BTAF1: variants seen among roughly 807,000 people sequenced by gnomAD.
The protein encoded by BTAF1 is B-TFIID TATA-box binding protein associated factor 1.
A neutral mutation model predicts 227.1 loss-of-function variants in BTAF1; 38 were observed. That is an observed-to-expected ratio of 0.17 (90% CI 0.13 to 0.22). BTAF1 has a LOEUF of 0.22. Ranked by LOEUF, BTAF1 falls within the 10% of genes least tolerant of loss-of-function variation. The pLI, the probability that BTAF1 is intolerant of heterozygous loss-of-function variation, is 1.00. For missense variants in BTAF1, 1,598 were observed against 2,204.0 expected (o/e 0.73, Z 5.51); for synonymous variants, 742 against 751.9 (o/e 0.99, Z 0.21).
At chr10:92,025,033 ATGAAATATTTTCAT>A in intron 35 of BTAF1, 66 bp downstream of exon 35, 2 of 1,423,250 alleles carry the variant, frequency 1.4e-6, no homozygotes, top group Non-Finnish European at 1.9e-6. Context: ...AGTTTGCCCC[ATGAAATATTTTCAT>A]TGGCTAAATA....
chr10:91,972,582 C>G (rs1404799788), intron 14 of BTAF1, among the ~76,000 whole-genome samples: 1 of 152,196 alleles, frequency 6.6e-6, no homozygotes, highest in African/African-American at 2.4e-5. Context: ...CCATTATTTG[C>G]TTTCTGAAAA....
At chr10:92,000,508 C>T (rs1055304518) in intron 25 of BTAF1, among the ~76,000 whole-genome samples, 23 of 152,118 alleles carry the variant, frequency 1.5e-4, no homozygotes, top group Non-Finnish European at 3.2e-4. Flanking sequence ...GATAAAGGGT[C>T]TAAACTCTAA....
chr10:91,953,355 T>A (rs1845890890), intron 5 of BTAF1, among the ~76,000 whole-genome samples: 1 of 152,326 alleles, frequency 6.6e-6, no homozygotes, highest in Non-Finnish European at 1.5e-5. Context: ...TTATTTATTT[T>A]TTTCAGCAGA....
chr10:91,950,128 G>T (rs1845647332), intron 4 of BTAF1, among the ~76,000 whole-genome samples: 1 of 120,082 alleles, frequency 8.3e-6, no homozygotes. Context: ...GGGTATCAGA[G>T]TGAGAGACCT....
intron 9 of BTAF1, 79 bp from the exon 10 acceptor site, chr10:91,959,706 T>G (rs142063545): frequency 1.6e-6 from 1 of 638,908 alleles, no homozygotes; most frequent in African/African-American, 1.9e-5. Flanking sequence ...TTAAAAAAAT[T>G]ATGTTAAAAA....
rs1848250199 is a variant in BTAF1 at position 91,984,232 on chromosome 10, C to T, written c.2255C>T (p.Pro752Leu). ...AAAGCTGTTACCTTAGCTGTGCAGC[C>T]GCGTTTACTTGATATCCTTTCAGAA... Reference protein sequence around the residue: ...ECKAVTLAVQPRLLDILSEHL... With the variant: ...ECKAVTLAVQLRLLDILSEHL... The change falls in exon 19 of 38, where the codon CCG becomes CTG. Residue 752 changes from proline to leucine, a missense_variant. Transcript: ENST00000265990. 6 of 1,613,670 alleles carry T rather than the reference C, an allele frequency of 3.7e-6. No homozygotes were observed. Among genetic ancestry groups the T allele is most frequent in the Non-Finnish European group, 4.2e-6 (5 of 1,179,880 alleles).
At chr10:91,939,882 T>C in intron 2 of BTAF1, 70 bp from the exon 3 acceptor site, 1 of 960,992 alleles carries the variant, frequency 1.0e-6, no homozygotes, top group South Asian at 1.7e-5. Flanking sequence ...TAAATTTGTA[T>C]TTCTCTGTTC....
At chr10:91,948,044 A>G (rs1845500577) in intron 4 of BTAF1, among the ~76,000 whole-genome samples, 1 of 152,048 alleles carries the variant, frequency 6.6e-6, no homozygotes, top group African/African-American at 2.4e-5. Context: ...GTTCTAGGGT[A>G]CATGTGCACA....
intron 16 of BTAF1, 27 bp from the exon 17 acceptor site, chr10:91,982,056 T>C (rs763712417): frequency 1.9e-6 from 3 of 1,597,634 alleles, no homozygotes; most frequent in Admixed American, 3.5e-5. Context: ...TTAATCTTTA[T>C]TGTTTTTTTT....
At chr10:91,981,554 T>TA in intron 15 of BTAF1, 89 bp from the exon 16 acceptor site, 2 of 1,353,974 alleles carry the variant, frequency 1.5e-6, no homozygotes, top group South Asian at 1.8e-5. Context: ...ATTTCCTACT[T>TA]AAAAAAACCT....
intron 19 of BTAF1, among the ~76,000 whole-genome samples, chr10:91,987,666 C>A (rs1848497201): frequency 6.6e-6 from 1 of 152,026 alleles, no homozygotes; most frequent in African/African-American, 2.4e-5. Context: ...CCTGAACATC[C>A]CTCTCCTGCT....
At chr10:91,931,813 A>T (rs1009752825) in intron 1 of BTAF1, among the ~76,000 whole-genome samples, 3 of 152,104 alleles carry the variant, frequency 2.0e-5, no homozygotes, top group Admixed American at 2.0e-4. Context: ...TCTTCCTTTT[A>T]TGTGGTGTCC....
chr10:91,930,222 G>A (rs1287378444), intron 1 of BTAF1, among the ~76,000 whole-genome samples: 1 of 152,102 alleles, frequency 6.6e-6, no homozygotes, highest in Admixed American at 6.5e-5. Context: ...AGATTAGTAT[G>A]TACTATGTTT....
chr10:91,960,192 T>G, intron 11 of BTAF1, 38 bp downstream of exon 11: 1 of 1,587,082 alleles, frequency 6.3e-7, no homozygotes, highest in Non-Finnish European at 8.6e-7. Context: ...GTGGGAGAGT[T>G]TTTTCCCCCT....
chr10:92,005,871 G>C (rs1589946741), intron 25 of BTAF1, among the ~76,000 whole-genome samples: 1 of 150,682 alleles, frequency 6.6e-6, no homozygotes, highest in African/African-American at 2.4e-5. Flanking sequence ...TTTGTTTTTT[G>C]GGTTTTTTTT....
chr10:92,019,998 A>G (rs1851012796), intron 34 of BTAF1, among the ~76,000 whole-genome samples: 1 of 151,504 alleles, frequency 6.6e-6, no homozygotes, highest in South Asian at 2.1e-4. Context: ...CTGGGATTAT[A>G]GGCATGAGCT....
intron 19 of BTAF1, among the ~76,000 whole-genome samples, chr10:91,985,793 C>T (rs1231074078): frequency 1.3e-5 from 2 of 152,012 alleles, no homozygotes; most frequent in South Asian, 4.1e-4. Flanking sequence ...AAAATCTTGT[C>T]TACTTTGAAT....
chr10:91,966,669 G>A lies in BTAF1; in HGVS notation c.1562G>A (p.Arg521His). Residue 521 changes from arginine to histidine, a missense_variant, in exon 14 of 38, where the codon CGT becomes CAT. This residue lies in a region of BTAF1 where 318 missense variants were observed against 435.0 expected (regional missense o/e 0.73). Coordinates refer to ENST00000265990, the MANE Select transcript of BTAF1 (RefSeq NM_003972.3). Reference sequence around the variant, plus strand: ...CAGTCACTGACAGTTTTAGTTCCACGTGTCTGGCCTTTTTTGCATCACACT... The same window carrying A: ...CAGTCACTGACAGTTTTAGTTCCACATGTCTGGCCTTTTTTGCATCACACT... ...IQQSLTVLVPRVWPFLHHTIS... is the reference protein window; with the variant it reads ...IQQSLTVLVPHVWPFLHHTIS... 6.2e-7 allele frequency: 1 copy of A among 1,613,758 alleles called. No individual in the cohort carries two copies. The highest frequency in any genetic ancestry group is 8.5e-7 in the Non-Finnish European group (1 of 1,179,842).
intron 14 of BTAF1, among the ~76,000 whole-genome samples, chr10:91,970,320 A>C (rs1355731227): frequency 6.6e-6 from 1 of 152,198 alleles, no homozygotes; most frequent in Non-Finnish European, 1.5e-5. Flanking sequence ...TAAAAAAAAG[A>C]AATCCTGTGT....
Sources: allele counts gnomAD v4.1 joint callset (sites outside exome capture counted in the v4.1 genomes callset), GRCh38; gene constraint gnomAD v4.1.1; regional missense constraint gnomAD v4.1.1; transcripts MANE v1.5; gene names NCBI Gene and HGNC (gene_info 2026-07-23, HGNC 2026-07-21).